CDYL2: variants seen among roughly 807,000 people sequenced by gnomAD.
The protein encoded by CDYL2 is chromodomain Y-like protein 2.
Under a neutral mutation model 49.4 loss-of-function variants are expected in CDYL2, and 23 were observed. That is an observed-to-expected ratio of 0.47 (90% CI 0.34 to 0.66). The LOEUF is 0.66. Ranked by LOEUF, CDYL2 falls within the 30% of genes least tolerant of loss-of-function variation. The pLI is 0.01. For synonymous variants in CDYL2, 360 were observed against 268.8 expected (o/e 1.34, Z -3.32); for missense variants, 678 against 656.4 (o/e 1.03, Z -0.36).
chr16:80,629,597 T>C (rs776699471), intron 3 of CDYL2, among the ~76,000 whole-genome samples: 16 of 152,176 alleles, frequency 1.1e-4, no homozygotes, highest in Non-Finnish European at 2.2e-4. Flanking sequence ...ACTGACTCTT[T>C]CCTTAAGGGG....
At chr16:80,709,915 T>C (rs374233343) in intron 1 of CDYL2, among the ~76,000 whole-genome samples, 2 of 151,154 alleles carry the variant, frequency 1.3e-5, no homozygotes, top group Non-Finnish European at 2.9e-5. Context: ...TACATGATTA[T>C]GGACAGCAGG....
chr16:80,792,917 G>A (rs143645387), intron 1 of CDYL2, among the ~76,000 whole-genome samples: 1 of 152,172 alleles, frequency 6.6e-6, no homozygotes, highest in South Asian at 2.1e-4. Context: ...TAAGGGCCCA[G>A]TTCCCTTGCC....
chr16:80,624,771 G>C (rs1185210390), intron 3 of CDYL2, among the ~76,000 whole-genome samples: 1 of 152,116 alleles, frequency 6.6e-6, no homozygotes, highest in African/African-American at 2.4e-5. Flanking sequence ...ATAGATTTGA[G>C]GAGAAAAAGA....
At chr16:80,776,814 T>A (rs1003370723) in intron 1 of CDYL2, among the ~76,000 whole-genome samples, 2 of 151,686 alleles carry the variant, frequency 1.3e-5, no homozygotes, top group African/African-American at 2.4e-5. Context: ...ACGTATATAT[T>A]ACAAAACTTT....
chr16:80,696,842 A>G (rs968656597), intron 1 of CDYL2, among the ~76,000 whole-genome samples: 1 of 152,122 alleles, frequency 6.6e-6, no homozygotes, highest in African/African-American at 2.4e-5. Flanking sequence ...AAAAATCTGA[A>G]GAGGAGGGCC....
chr16:80,689,061 T>A (rs1274531319), intron 1 of CDYL2, among the ~76,000 whole-genome samples: 2 of 151,678 alleles, frequency 1.3e-5, no homozygotes, highest in African/African-American at 2.4e-5. Flanking sequence ...CTTCCCTTTA[T>A]TTGCACATAT....
chr16:80,715,616 T>A (rs76907799), intron 1 of CDYL2, among the ~76,000 whole-genome samples: 1 of 150,814 alleles, frequency 6.6e-6, no homozygotes, highest in Admixed American at 6.6e-5. Flanking sequence ...TCCAGAGGAA[T>A]TTTTTTTTTC....
At chr16:80,765,684 G>A (rs919058786) in intron 1 of CDYL2, among the ~76,000 whole-genome samples, 10 of 145,708 alleles carry the variant, frequency 6.9e-5, no homozygotes, top group Admixed American at 2.8e-4. Context: ...ACTGAAAAGT[G>A]GATAAGCAAA....
At chr16:80,778,771 C>G (rs1277157399) in intron 1 of CDYL2, among the ~76,000 whole-genome samples, 1 of 151,902 alleles carries the variant, frequency 6.6e-6, no homozygotes, top group Non-Finnish European at 1.5e-5. Flanking sequence ...AAAATGTGTT[C>G]TAAAAGCACA....
chr16:80,739,548 G>A (rs1905659796), intron 1 of CDYL2, among the ~76,000 whole-genome samples: 1 of 152,174 alleles, frequency 6.6e-6, no homozygotes, highest in Non-Finnish European at 1.5e-5. Flanking sequence ...GCCCCAGCGG[G>A]GCAGATTCAC....
intron 2 of CDYL2, among the ~76,000 whole-genome samples, chr16:80,646,513 G>A (rs911235291): frequency 5.3e-5 from 8 of 151,910 alleles, no homozygotes; most frequent in South Asian, 2.1e-4. Context: ...GACCCAGGTC[G>A]GGCGTGGTGG....
intron 2 of CDYL2, among the ~76,000 whole-genome samples, chr16:80,657,190 C>T (rs1363277487): frequency 6.6e-6 from 1 of 152,176 alleles, no homozygotes; most frequent in Non-Finnish European, 1.5e-5. Flanking sequence ...ATTAAATTAA[C>T]ATCATGAAAC....
intron 1 of CDYL2, among the ~76,000 whole-genome samples, chr16:80,706,004 GA>G (rs1451495837): frequency 1.1e-4 from 16 of 152,232 alleles, no homozygotes; most frequent in Non-Finnish European, 2.4e-4. Context: ...CAAGGCAGTA[GA>G]GGGGTGTAAT....
intron 1 of CDYL2, among the ~76,000 whole-genome samples, chr16:80,778,415 G>C (rs1221485446): frequency 6.6e-6 from 1 of 151,102 alleles, no homozygotes; most frequent in Non-Finnish European, 1.5e-5. Context: ...CTGACAGAAA[G>C]ACAGGTAAGA....
rs373693845 is a variant in CDYL2, at chr16:80,648,826, C to T, written c.617-15590G>A. Among the ~76,000 whole-genome samples, 5 of 152,160 alleles carry T rather than the reference C, an allele frequency of 3.3e-5. 1 individual carries two copies. Among genetic ancestry groups the T allele is most frequent in the Admixed American group, 6.5e-5 (1 of 15,282 alleles). On this transcript the variant is annotated intron_variant, in intron 2 of 6. Coordinates refer to ENST00000570137, the MANE Select transcript of CDYL2 (RefSeq NM_152342.4). ...CCAAGTGGGATTTATCCCTGGGATA[C>T]AAGCATGGTTCAACATACACAAATC...
At chr16:80,755,386 C>A (rs1906276146) in intron 1 of CDYL2, among the ~76,000 whole-genome samples, 1 of 152,276 alleles carries the variant, frequency 6.6e-6, no homozygotes, top group South Asian at 2.1e-4. Flanking sequence ...CAGTGGAGAA[C>A]CAGAGCCCAT....
intron 1 of CDYL2, among the ~76,000 whole-genome samples, chr16:80,716,014 A>C (rs1296977848): frequency 6.6e-6 from 1 of 152,244 alleles, no homozygotes; most frequent in African/African-American, 2.4e-5. Context: ...AAATCTCTTT[A>C]TGCCTCAGTT....
At position 80,684,518 on chromosome 16, in the gene CDYL2, G is replaced by C; in HGVS notation, c.616+20C>G. On this transcript the variant is annotated intron_variant, in intron 2 of 6. Coordinates refer to ENST00000570137, the MANE Select transcript of CDYL2 (RefSeq NM_152342.4). ...TCGCCATGGCCAGAGCCAAACCCAAGAGAAAGAAAAGCTACAAACCGAGCC... is the reference window on the plus strand; with the variant it reads ...TCGCCATGGCCAGAGCCAAACCCAACAGAAAGAAAAGCTACAAACCGAGCC... The C allele has an allele frequency of 1.3e-6, 2 of 1,599,662 alleles. No homozygotes were observed. Among genetic ancestry groups the C allele is most frequent in the South Asian group, 1.1e-5 (1 of 88,550 alleles).
chr16:80,727,871 G>T (rs1905215449), intron 1 of CDYL2, among the ~76,000 whole-genome samples: 1 of 152,138 alleles, frequency 6.6e-6, no homozygotes, highest in Non-Finnish European at 1.5e-5. Flanking sequence ...TACTCCAACA[G>T]ACTTGCAGCT....
Sources: gnomAD v4.1 joint callset for allele counts (sites outside exome capture counted in the v4.1 genomes callset) on GRCh38, gnomAD v4.1.1 for gene constraint, MANE v1.5 for transcripts, NCBI Gene and HGNC (gene_info 2026-07-23, HGNC 2026-07-21) for gene names.